Variants in THSD7B observed in about 807,000 individuals in gnomAD.
THSD7B encodes the protein thrombospondin type-1 domain-containing protein 7B.
In THSD7B, 138 loss-of-function variants were observed where a neutral mutation model predicts 213.6. The observed-to-expected ratio is 0.65, with a 90% CI of 0.56 to 0.74. THSD7B has a LOEUF of 0.74. Among genes scored for constraint, THSD7B ranks in the 30% least tolerant of loss-of-function variants. THSD7B has a pLI of 0.00. For synonymous variants in THSD7B, 742 were observed against 687.0 expected (o/e 1.08, Z -1.25); for missense variants, 1,931 against 1,991.5 (o/e 0.97, Z 0.58).
chr2:137,119,629 G>A (rs1267156654), intron 5 of THSD7B, among the ~76,000 whole-genome samples: 1 of 152,164 alleles, frequency 6.6e-6, no homozygotes, highest in Admixed American at 6.5e-5. Context: ...TACAATGACG[G>A]TGGAAAGGTA....
intron 15 of THSD7B, among the ~76,000 whole-genome samples, chr2:137,546,366 A>ATATATATATAATATATATAT (rs1680710945): frequency 1.8e-5 from 1 of 56,578 alleles, no homozygotes; most frequent in Non-Finnish European, 3.2e-5. Context: ...TATATATTAT[A>ATATATATATAATATATATAT]TATATATATA....
intron 12 of THSD7B, among the ~76,000 whole-genome samples, chr2:137,315,578 C>G (rs12991802): frequency 0.39 from 58,975 of 151,936 alleles, 11,908 homozygotes; most frequent in Non-Finnish European, 0.44. Flanking sequence ...AGTAGCGTCT[C>G]TATCAACTTT....
chr2:136,893,979 A>G (rs1338554052), intron 2 of THSD7B, among the ~76,000 whole-genome samples: 1 of 152,218 alleles, frequency 6.6e-6, no homozygotes, highest in Non-Finnish European at 1.5e-5. Flanking sequence ...ATGGGAATCA[A>G]GTAACTATTA....
intron 2 of THSD7B, among the ~76,000 whole-genome samples, chr2:136,902,188 C>T (rs779907103): frequency 1.3e-5 from 2 of 152,096 alleles, no homozygotes; most frequent in Non-Finnish European, 2.9e-5. Flanking sequence ...GCTGAGAAAA[C>T]AGAGGGAAGG....
intron 3 of THSD7B, among the ~76,000 whole-genome samples, chr2:137,076,836 T>A (rs1687635846): frequency 6.6e-6 from 1 of 152,168 alleles, no homozygotes; most frequent in South Asian, 2.1e-4. Context: ...TAATCTTTTT[T>A]TATTATAGTT....
intron 2 of THSD7B, chr2:136,906,449 A>C (rs959767900): frequency 2.0e-5 from 3 of 152,170 alleles, no homozygotes; most frequent in Admixed American, 1.3e-4. Context: ...TACTTGCAGG[A>C]CTTGCCAAGT....
At chr2:136,920,552 T>A (rs994228549) in intron 2 of THSD7B, among the ~76,000 whole-genome samples, 5 of 152,148 alleles carry the variant, frequency 3.3e-5, no homozygotes, top group African/African-American at 1.2e-4. Flanking sequence ...TACTGTCCAA[T>A]TGGCCAAAAG....
At chr2:136,799,499 T>G (rs1214276518) in intron 1 of THSD7B, among the ~76,000 whole-genome samples, 1 of 152,004 alleles carries the variant, frequency 6.6e-6, no homozygotes, top group African/African-American at 2.4e-5. Context: ...ATGTCTATAC[T>G]TTAATTCAGG....
intron 12 of THSD7B, among the ~76,000 whole-genome samples, chr2:137,292,631 C>G (rs898058212): frequency 6.6e-6 from 1 of 152,096 alleles, no homozygotes; most frequent in Non-Finnish European, 1.5e-5. Flanking sequence ...ACCTTTTCTT[C>G]CTTACATTAC....
At chr2:136,800,765 G>T (rs1213937957) in intron 1 of THSD7B, among the ~76,000 whole-genome samples, 1 of 148,678 alleles carries the variant, frequency 6.7e-6, no homozygotes, top group Non-Finnish European at 1.5e-5. Flanking sequence ...GAGATAAAAT[G>T]GTAAGGCAGA....
At chr2:137,093,062 G>T (rs1421161528) in intron 3 of THSD7B, among the ~76,000 whole-genome samples, 1 of 152,002 alleles carries the variant, frequency 6.6e-6, no homozygotes, top group Non-Finnish European at 1.5e-5. Context: ...CCAAAGTATT[G>T]GTTGCCTTTG....
At chr2:137,628,338 T>G (rs181808914) in intron 20 of THSD7B, among the ~76,000 whole-genome samples, 1 of 152,344 alleles carries the variant, frequency 6.6e-6, no homozygotes, top group African/African-American at 2.4e-5. Context: ...TCAAGTGTTT[T>G]TATATTGACA....
At chr2:136,832,965 G>A (rs2104948644) in intron 1 of THSD7B, among the ~76,000 whole-genome samples, 1 of 152,174 alleles carries the variant, frequency 6.6e-6, no homozygotes, top group South Asian at 2.1e-4. Context: ...ACAATTTGTG[G>A]ATTTTCCTGA....
chr2:137,399,155 G>A (rs1280847519), intron 12 of THSD7B, among the ~76,000 whole-genome samples: 2 of 151,522 alleles, frequency 1.3e-5, no homozygotes, highest in Admixed American at 6.6e-5. Context: ...GCTGTAGACT[G>A]GAGCTGTTCC....
At chr2:137,045,093 C>G (rs920653783) in intron 2 of THSD7B, among the ~76,000 whole-genome samples, 3 of 152,180 alleles carry the variant, frequency 2.0e-5, no homozygotes, top group Admixed American at 1.3e-4. Flanking sequence ...AACAGCAAAA[C>G]TAGGATGAAT....
chr2:136,952,256 T>A (rs764175102), intron 2 of THSD7B, among the ~76,000 whole-genome samples: 21 of 152,248 alleles, frequency 1.4e-4, no homozygotes, highest in Non-Finnish European at 2.9e-4. Flanking sequence ...TGAAATTACA[T>A]TAACAAAACA....
intron 14 of THSD7B, among the ~76,000 whole-genome samples, chr2:137,441,311 C>T (rs1371319455): frequency 6.6e-6 from 1 of 152,062 alleles, no homozygotes; most frequent in Non-Finnish European, 1.5e-5. Context: ...TGAGCCTCCC[C>T]AGCAGAACCT....
intron 17 of THSD7B, among the ~76,000 whole-genome samples, chr2:137,589,569 G>A (rs1235087898): frequency 6.6e-6 from 1 of 152,172 alleles, no homozygotes; most frequent in East Asian, 1.9e-4. Context: ...CATAGAGGCG[G>A]TATAGTGTTG....
chr2:137,112,858 C>T (rs1558925280), intron 4 of THSD7B, among the ~76,000 whole-genome samples: 1 of 151,912 alleles, frequency 6.6e-6, no homozygotes, highest in Non-Finnish European at 1.5e-5. Context: ...GGAATGGACA[C>T]TTATTGAATA....
Sources: gnomAD v4.1 joint callset for allele counts (sites outside exome capture counted in the v4.1 genomes callset) on GRCh38, gnomAD v4.1.1 for gene constraint, MANE v1.5 for transcripts, NCBI Gene and HGNC (gene_info 2026-07-23, HGNC 2026-07-21) for gene names.